The following PLCH1 variants were observed in gnomAD, a reference collection of about 807,000 sequenced individuals.
PLCH1 encodes 1-phosphatidylinositol 4,5-bisphosphate phosphodiesterase eta-1.
Under a neutral mutation model 126.7 loss-of-function variants are expected in PLCH1, and 60 were observed. That is an observed-to-expected ratio of 0.47 (90% confidence interval 0.38 to 0.59). The LOEUF (loss-of-function observed/expected upper bound fraction) is 0.59, where lower values mean the gene tolerates loss of function less well. PLCH1 is among the 20% of genes least tolerant of loss of function. The pLI, the probability that PLCH1 is intolerant of heterozygous loss-of-function variation, is 0.00. For missense variants in PLCH1, 1,723 were observed against 2,040.0 expected (o/e 0.84, Z 2.99); for synonymous variants, 719 against 734.9 (o/e 0.98, Z 0.35).
At chr3:155,528,086 T>C (rs1722200742) in intron 10 of PLCH1, among the ~76,000 whole-genome samples, 1 of 151,988 alleles carries the variant, frequency 6.6e-6, no homozygotes, top group Non-Finnish European at 1.5e-5. Context: ...TAGCCAGGCA[T>C]GGTGGCAGGC....
chr3:155,738,802 A>G (rs1240687036), intron 1 of PLCH1, among the ~76,000 whole-genome samples: 1 of 151,496 alleles, frequency 6.6e-6, no homozygotes, highest in African/African-American at 2.4e-5. Context: ...AAAAAAAAAA[A>G]TAGCATAACA....
At chr3:155,660,390 G>A (rs1458408391) in intron 2 of PLCH1, among the ~76,000 whole-genome samples, 1 of 152,210 alleles carries the variant, frequency 6.6e-6, no homozygotes, top group Non-Finnish European at 1.5e-5. Flanking sequence ...GATGGAAGCA[G>A]CAGGCCAACT....
intron 2 of PLCH1, among the ~76,000 whole-genome samples, chr3:155,620,505 G>C (rs1318548272): frequency 6.6e-6 from 1 of 152,210 alleles, no homozygotes; most frequent in East Asian, 1.9e-4. Context: ...TGGATTGAAA[G>C]AGAAGAGTAA....
intron 2 of PLCH1, among the ~76,000 whole-genome samples, chr3:155,626,750 C>CA (rs1737325582): frequency 9.3e-6 from 1 of 107,588 alleles, no homozygotes; most frequent in Non-Finnish European, 1.7e-5. Context: ...GCCTGGGCCA[C>CA]AGAGCGAGAC....
At chr3:155,709,529 T>C (rs1746931609) in intron 1 of PLCH1, among the ~76,000 whole-genome samples, 1 of 152,242 alleles carries the variant, frequency 6.6e-6, no homozygotes, top group Non-Finnish European at 1.5e-5. Flanking sequence ...TCTACTTTGC[T>C]AATGATCTAT....
At chr3:155,511,637 G>T (rs1560091259) in intron 12 of PLCH1, among the ~76,000 whole-genome samples, 1 of 140,378 alleles carries the variant, frequency 7.1e-6, no homozygotes, top group Non-Finnish European at 1.5e-5. Flanking sequence ...TGCCCCTGCT[G>T]GGGGGTGCCT....
chr3:155,492,239 G>T (rs1716317780), intron 18 of PLCH1, among the ~76,000 whole-genome samples: 1 of 151,992 alleles, frequency 6.6e-6, no homozygotes, highest in Non-Finnish European at 1.5e-5. Flanking sequence ...AAGAGCTCTG[G>T]AAAGAAAAAA....
At position 155,482,655 on chromosome 3, in the gene PLCH1, T is replaced by C; in HGVS notation, c.3371A>G (p.Asn1124Ser). The C allele has an allele frequency of 1.9e-6, 3 of 1,614,168 alleles. No homozygotes were observed. Among genetic ancestry groups the C allele is most frequent in the East Asian group, 2.2e-5 (1 of 44,890 alleles). ...ACCTTCCAGGTTCTTAATTTCTAGG[T>C]TGCTATGAGAAAGGACGCTTCCTGA... ...ILSGSVLSHSNLEIKNLEGNR... is the reference protein window; with the variant it reads ...ILSGSVLSHSSLEIKNLEGNR... The change falls in exon 23 of 23, where the codon AAC becomes AGC. Residue 1124 changes from asparagine (N) to serine (S), a missense_variant. Coordinates refer to ENST00000460012, the MANE Select transcript of PLCH1 (RefSeq NM_014996.4).
At chr3:155,566,216 T>C (rs1169597388) in intron 7 of PLCH1, among the ~76,000 whole-genome samples, 6,553 of 75,522 alleles carry the variant, frequency 0.087, 1,566 homozygotes, top group Non-Finnish European at 0.13. Flanking sequence ...TACACATATA[T>C]ACGTATATAT....
intron 18 of PLCH1, among the ~76,000 whole-genome samples, chr3:155,492,202 A>G (rs980235501): frequency 2.0e-5 from 3 of 149,548 alleles, no homozygotes; most frequent in Non-Finnish European, 4.4e-5. Flanking sequence ...AACAGAAGCC[A>G]AGAAGGTATA....
rs754958140 is a variant in PLCH1 at position 155,594,115 on chromosome 3, C to T, written c.296G>A (p.Gly99Glu). 6.2e-7 allele frequency: 1 copy of T among 1,613,956 alleles called. No homozygotes were observed. The highest frequency in any genetic ancestry group is 1.1e-5 in the South Asian group (1 of 91,066). ...QSEIFHRQAEGNFDPSCCFTI... is the reference protein window; with the variant it reads ...QSEIFHRQAEENFDPSCCFTI... Reference sequence around the variant, plus strand: ...GAAGCAGCAGCTGGGGTCGAAGTTCCCCTCAGCTTGTCTGTGGAATATTTC... The same window carrying T: ...GAAGCAGCAGCTGGGGTCGAAGTTCTCCTCAGCTTGTCTGTGGAATATTTC... Residue 99 changes from glycine (G) to glutamate (E), a missense_variant, in exon 4 of 23, where the codon GGG becomes GAG. Gly to Glu is a moderately conservative substitution (Grantham distance 98, BLOSUM62 -2). Transcript: ENST00000460012.
At chr3:155,559,608 T>C (rs1331596127) in intron 8 of PLCH1, among the ~76,000 whole-genome samples, 8 of 152,160 alleles carry the variant, frequency 5.3e-5, no homozygotes, top group African/African-American at 1.9e-4. Flanking sequence ...TTAAGCCAAA[T>C]ACTAGGGAAA....
At chr3:155,497,857 G>A (rs1422724908) in intron 14 of PLCH1, among the ~76,000 whole-genome samples, 1 of 152,094 alleles carries the variant, frequency 6.6e-6, no homozygotes, top group Non-Finnish European at 1.5e-5. Flanking sequence ...TGGGACTACA[G>A]GTGCACACCA....
At chr3:155,676,202 T>TACGGCGACCACC in intron 2 of PLCH1, 2 of 1,291,212 alleles carry the variant, frequency 1.5e-6, no homozygotes, top group Admixed American at 3.9e-5. Context: ...TATGGCATGA[T>TACGGCGACCACC]GAGATCTTCA....
rs117586887 is a variant in PLCH1 at position 155,451,516 on chromosome 3, A to C, written c.2938+33840T>G. ...ATGTAGTGCCCAGATATTTAGCTAAACATTACTTATGGGAATGTCTATGTG... is the reference window on the plus strand; with the variant it reads ...ATGTAGTGCCCAGATATTTAGCTAACCATTACTTATGGGAATGTCTATGTG... On this transcript the variant is annotated intron_variant, in intron 21 of 21. Transcript: ENST00000494598. Among the ~76,000 whole-genome samples, 3 of 152,268 alleles carry C rather than the reference A, an allele frequency of 2.0e-5. No homozygotes were observed. In the East Asian group the frequency reaches 5.8e-4, roughly 29 times the overall value.
rs763499473 is a variant in PLCH1 at position 155,637,523 on chromosome 3, A to AT, written c.80-41146dup. 1.3e-4 allele frequency among the ~76,000 whole-genome samples: 20 copies of AT among 152,282 alleles called. No individual in the cohort carries two copies. The East Asian group carries it at 3.5e-3, about 26-fold the overall frequency. On this transcript the variant is annotated intron_variant, in intron 2 of 22. Coordinates refer to ENST00000460012, the MANE Select transcript of PLCH1 (RefSeq NM_014996.4). ...AAGGAATCGATTCAAAGTTCATATT[A>AT]TTTTTTCCTCGAAGTGGGAAAATAT...
rs544763306 is a variant in PLCH1, at chr3:155,453,790, T to C, written c.2938+31566A>G. ...TTTATGATTAATTTCTGATAATAAA[T>C]TATAAATATGTATTTATCTATAGAT... is the stretch of plus-strand genomic sequence containing the variant. On this transcript the variant is annotated intron_variant, in intron 21 of 21. Coordinates refer to the PLCH1 transcript ENST00000494598. 3.3e-5 allele frequency among the ~76,000 whole-genome samples: 5 copies of C among 151,376 alleles called. No individual in the cohort carries two copies. In the South Asian group the frequency reaches 8.3e-4, roughly 25 times the overall value.
At chr3:155,716,373 A>G (rs995001159) in intron 1 of PLCH1, among the ~76,000 whole-genome samples, 7 of 152,220 alleles carry the variant, frequency 4.6e-5, no homozygotes, top group African/African-American at 1.4e-4. Context: ...CTTCATTCAA[A>G]TCTTGTGTGT....
rs144388406 is a variant in PLCH1, at chr3:155,572,413, T to C, written c.772-4089A>G. On this transcript the variant is annotated intron_variant, in intron 6 of 22. Coordinates refer to ENST00000460012, the MANE Select transcript of PLCH1 (RefSeq NM_014996.4). ...ATTCCAGTCCTTTTCACAGGACCAGTTGTTGTTTGCTAATTAGTTTAGTTT... is the reference window on the plus strand; with the variant it reads ...ATTCCAGTCCTTTTCACAGGACCAGCTGTTGTTTGCTAATTAGTTTAGTTT... Among the ~76,000 whole-genome samples, 1,273 of 152,204 alleles carry C rather than the reference T, an allele frequency of 8.4e-3. 12 individuals carry two copies. Among genetic ancestry groups the C allele is most frequent in the Non-Finnish European group, 0.011 (756 of 68,000 alleles).
Sources: gnomAD v4.1 joint callset for allele counts (sites outside exome capture counted in the v4.1 genomes callset) on GRCh38, gnomAD v4.1.1 for gene constraint, MANE v1.5 for transcripts, NCBI Gene and HGNC (gene_info 2026-07-23, HGNC 2026-07-21) for gene names.